ZNF407: variants seen among roughly 807,000 people sequenced by gnomAD.
ZNF407 encodes zinc finger protein 407.
In ZNF407, 17 loss-of-function variants were observed where a neutral mutation model predicts 131.2. The observed-to-expected ratio is 0.13, with a 90% CI of 0.09 to 0.19. The LOEUF (loss-of-function observed/expected upper bound fraction) is 0.19, where lower values mean the gene tolerates loss of function less well. ZNF407 is among the 10% of genes least tolerant of loss of function. The pLI, the probability that ZNF407 is intolerant of heterozygous loss-of-function variation, is 1.00. For synonymous variants in ZNF407, 1,156 were observed against 1,062.0 expected (o/e 1.09, Z -1.72); for missense variants, 2,681 against 2,830.6 (o/e 0.95, Z 1.20).
intron 3 of ZNF407, among the ~76,000 whole-genome samples, chr18:74,771,551 AG>A (rs1400531334): frequency 5.4e-4 from 2 of 3,678 alleles, no homozygotes; most frequent in Non-Finnish European, 5.0e-3. Flanking sequence ...TAATAATTTC[AG>A]TTTTATATTA....
intron 2 of ZNF407, among the ~76,000 whole-genome samples, chr18:74,637,494 A>G (rs1365225763): frequency 6.9e-6 from 1 of 144,114 alleles, no homozygotes; most frequent in African/African-American, 2.8e-5. Context: ...AAAAGTTAGC[A>G]TAGTTTTTTT....
At chr18:74,977,525 C>T (rs1048814575) in intron 8 of ZNF407, among the ~76,000 whole-genome samples, 8 of 152,204 alleles carry the variant, frequency 5.3e-5, no homozygotes, top group Non-Finnish European at 1.2e-4. Flanking sequence ...TTTTAAGCCC[C>T]TTCTTGACTT....
At chr18:74,995,374 G>A (rs9966365) in intron 8 of ZNF407, among the ~76,000 whole-genome samples, 36,873 of 151,982 alleles carry the variant, frequency 0.24, 5,571 homozygotes, top group African/African-American at 0.41. Flanking sequence ...GACTACTGCA[G>A]TAACCGAGCT....
intron 4 of ZNF407, among the ~76,000 whole-genome samples, chr18:74,876,495 G>A (rs568706283): frequency 4.6e-5 from 7 of 152,172 alleles, no homozygotes; most frequent in African/African-American, 1.7e-4. Context: ...TATTATTAAA[G>A]GTATTGAAAG....
At chr18:74,788,610 T>G (rs1261532231) in intron 4 of ZNF407, among the ~76,000 whole-genome samples, 1 of 142,030 alleles carries the variant, frequency 7.0e-6, no homozygotes. Context: ...ATCTTGGTTA[T>G]CTTGAAAAAA....
intron 8 of ZNF407, among the ~76,000 whole-genome samples, chr18:75,017,404 A>G (rs1973057585): frequency 6.6e-6 from 1 of 152,102 alleles, no homozygotes; most frequent in Non-Finnish European, 1.5e-5. Context: ...TCCAATCCCC[A>G]CATGACCCTG....
chr18:74,628,383 T>G (rs1207201246), intron 1 of ZNF407, among the ~76,000 whole-genome samples: 1 of 152,118 alleles, frequency 6.6e-6, no homozygotes, highest in Non-Finnish European at 1.5e-5. Context: ...CTCTTACCCT[T>G]TAGCTATCAT....
intron 8 of ZNF407, among the ~76,000 whole-genome samples, chr18:75,002,670 T>C (rs1479357450): frequency 3.9e-5 from 6 of 151,918 alleles, no homozygotes; most frequent in African/African-American, 1.5e-4. Context: ...CCGGGCGTGG[T>C]GACGGGCGCC....
At chr18:74,756,855 T>A (rs954264131) in intron 3 of ZNF407, among the ~76,000 whole-genome samples, 16 of 152,174 alleles carry the variant, frequency 1.1e-4, no homozygotes, top group Non-Finnish European at 2.1e-4. Flanking sequence ...GGAATTTGTC[T>A]GTTTCATCTA....
intron 1 of ZNF407, among the ~76,000 whole-genome samples, chr18:74,607,069 G>GT (rs1982839766): frequency 1.3e-5 from 2 of 152,352 alleles, no homozygotes; most frequent in South Asian, 4.1e-4. Flanking sequence ...GGAGGCAGGT[G>GT]TTTCGTCAGT....
At chr18:74,728,433 A>G (rs1261380158) in intron 3 of ZNF407, among the ~76,000 whole-genome samples, 1 of 152,174 alleles carries the variant, frequency 6.6e-6, no homozygotes, top group Admixed American at 6.5e-5. Flanking sequence ...GCAGCATGAC[A>G]CAAGGAAGAG....
rs1252237740 is a variant in ZNF407 at position 75,064,344 on chromosome 18, C to G, written c.6623C>G (p.Thr2208Arg). 2.5e-6 allele frequency: 4 copies of G among 1,590,532 alleles called. No homozygotes were observed. The highest frequency in any genetic ancestry group is 3.5e-5 in the Admixed American group (2 of 57,092). The change falls in exon 9 of 9, where the codon ACA (threonine) becomes AGA (arginine). Residue 2208 changes from threonine (T) to arginine (R), a missense_variant. Transcript: ENST00000299687. ...ELLQAGATLGTEAGAPSRAEQ... is the reference protein window; with the variant it reads ...ELLQAGATLGREAGAPSRAEQ... ...CTGCAGGCCGGGGCCACGCTAGGCACAGAGGCCGGGGCCCCAAGCAGGGCA... is the reference window on the plus strand; with the variant it reads ...CTGCAGGCCGGGGCCACGCTAGGCAGAGAGGCCGGGGCCCCAAGCAGGGCA...
intron 3 of ZNF407, among the ~76,000 whole-genome samples, chr18:74,763,935 G>C (rs568298538): frequency 1.3e-5 from 2 of 151,442 alleles, no homozygotes; most frequent in Admixed American, 6.6e-5. Flanking sequence ...GGATGGTCTC[G>C]ATCTCCTGAC....
chr18:74,754,130 G>A (rs1016516071), intron 3 of ZNF407, among the ~76,000 whole-genome samples: 13 of 152,162 alleles, frequency 8.5e-5, no homozygotes, highest in Non-Finnish European at 1.8e-4. Flanking sequence ...TAGTTTATTT[G>A]TGTAGAGGTG....
In ZNF407 at chr18:74,632,467, G is replaced by C. The variant is rs776451413; in HGVS notation, c.1448G>C (p.Cys483Ser). The C allele has an allele frequency of 1.9e-6, 3 of 1,614,038 alleles. No individual in the cohort carries two copies. Among genetic ancestry groups the C allele is most frequent in the Non-Finnish European group, 2.5e-6 (3 of 1,179,910 alleles). Residue 483 changes from cysteine (C) to serine (S), a missense_variant, in exon 2 of 9, where the codon TGC becomes TCC. Physicochemically the swap from Cys to Ser is moderately radical, Grantham distance 112 (BLOSUM62 -1). Around this residue, in one of 6 missense-constraint regions of ZNF407, gnomAD observed 1,789 missense variants for 1,748.7 expected, o/e 1.02. Transcript: ENST00000299687. ...TCAGTGCTGAAACACCTGGAAGCGT[G>C]CAGCAGTGTGCAGAGAGTGTGTGTG... ...AESVLKHLEA[C>S]SSVQRVCVTT...
chr18:74,660,370 A>G (rs1985661384), intron 3 of ZNF407, among the ~76,000 whole-genome samples: 1 of 152,124 alleles, frequency 6.6e-6, no homozygotes, highest in African/African-American at 2.4e-5. Context: ...CTGAATAATT[A>G]AGAGTTAATT....
chr18:74,984,444 G>A (rs1972629340), intron 8 of ZNF407, among the ~76,000 whole-genome samples: 1 of 152,140 alleles, frequency 6.6e-6, no homozygotes, highest in African/African-American at 2.4e-5. Context: ...ATGACATATT[G>A]GTTTTATGTC....
intron 3 of ZNF407, among the ~76,000 whole-genome samples, chr18:74,774,345 T>C (rs934087995): frequency 1.3e-5 from 2 of 152,264 alleles, no homozygotes; most frequent in African/African-American, 2.4e-5. Context: ...GCCTATGCCA[T>C]TGGGAGAAGG....
At chr18:74,820,617 A>G (rs531801476) in intron 4 of ZNF407, among the ~76,000 whole-genome samples, 23 of 152,292 alleles carry the variant, frequency 1.5e-4, no homozygotes, top group African/African-American at 5.5e-4. Context: ...CTTTTATTTC[A>G]TTCTTAACCA....
Sources: gnomAD v4.1 joint callset for allele counts (sites outside exome capture counted in the v4.1 genomes callset) on GRCh38, gnomAD v4.1.1 for gene constraint, gnomAD v4.1.1 regional missense constraint, MANE v1.5 for transcripts, NCBI Gene and HGNC (gene_info 2026-07-23, HGNC 2026-07-21) for gene names.